PPARGC1A: variants seen among roughly 807,000 people sequenced by gnomAD.
PPARGC1A encodes peroxisome proliferator-activated receptor gamma coactivator 1-alpha.
Under a neutral mutation model 88.7 loss-of-function variants are expected in PPARGC1A, and 25 were observed. The ratio of observed to expected loss-of-function variants is 0.28; its 90% CI spans 0.21 to 0.39. The LOEUF (loss-of-function observed/expected upper bound fraction) is 0.39. Ranked by LOEUF, PPARGC1A falls within the 10% of genes least tolerant of loss-of-function variation. The pLI, the probability that PPARGC1A is intolerant of heterozygous loss-of-function variation, is 1.00. For missense variants in PPARGC1A, 880 were observed against 968.7 expected, an observed-to-expected ratio of 0.91 and a Z score of 1.22; for synonymous variants, 363 against 355.6, an observed-to-expected ratio of 1.02 and a Z score of -0.24.
chr4:24,349,914 T>C, the PPARGC1A span, among the ~76,000 whole-genome samples: 1 of 152,200 alleles, frequency 6.6e-6, no homozygotes, highest in Non-Finnish European at 1.5e-5. Flanking sequence ...ACCCTCCCGA[T>C]GGATCCCTGT....
chr4:24,240,308 T>G, the PPARGC1A span, among the ~76,000 whole-genome samples: 1 of 152,192 alleles, frequency 6.6e-6, no homozygotes, highest in Non-Finnish European at 1.5e-5. Context: ...GAATGCTTAC[T>G]TCTCTTTTAA....
the PPARGC1A span, among the ~76,000 whole-genome samples, chr4:24,124,713 A>G: frequency 2.0e-5 from 3 of 152,132 alleles, no homozygotes; most frequent in Non-Finnish European, 2.9e-5. Context: ...TACAGAGAAC[A>G]ATTTACTGCA....
the PPARGC1A span, among the ~76,000 whole-genome samples, chr4:24,145,684 G>A: frequency 8.6e-4 from 131 of 152,246 alleles, 3 homozygotes; most frequent in African/African-American, 2.8e-3. Flanking sequence ...ATAATACCAC[G>A]TTCGACTTAG....
At chr4:24,271,376 G>A in the PPARGC1A span, among the ~76,000 whole-genome samples, 2 of 49,594 alleles carry the variant, frequency 4.0e-5, no homozygotes, top group Non-Finnish European at 8.6e-5. Flanking sequence ...TTAAATCCTT[G>A]TCCTTTTACT....
the PPARGC1A span, among the ~76,000 whole-genome samples, chr4:24,435,868 C>T: frequency 6.6e-6 from 1 of 152,220 alleles, no homozygotes; most frequent in Admixed American, 6.5e-5. Context: ...GATGCCCAAG[C>T]CCTGCTTTTT....
the PPARGC1A span, among the ~76,000 whole-genome samples, chr4:24,321,832 G>C: frequency 6.6e-6 from 1 of 152,204 alleles, no homozygotes; most frequent in Non-Finnish European, 1.5e-5. Flanking sequence ...CTTAAGAACA[G>C]ACAACAACTC....
chr4:24,053,443 T>G, the PPARGC1A span, among the ~76,000 whole-genome samples: 1 of 152,040 alleles, frequency 6.6e-6, no homozygotes, highest in Admixed American at 6.5e-5. Flanking sequence ...GCACCAGCTT[T>G]GATGACCACC....
At chr4:23,986,078 CTGAT>C in the PPARGC1A span, among the ~76,000 whole-genome samples, 1 of 152,100 alleles carries the variant, frequency 6.6e-6, no homozygotes, top group South Asian at 2.1e-4. Flanking sequence ...ACCCAACTCT[CTGAT>C]TGTGCACTCC....
the PPARGC1A span, among the ~76,000 whole-genome samples, chr4:24,157,670 G>GT: frequency 3.9e-5 from 6 of 152,144 alleles, no homozygotes; most frequent in South Asian, 1.0e-3. Flanking sequence ...AGTCAGTCCT[G>GT]TTTTTTCTCT....
chr4:24,202,429 C>T, the PPARGC1A span, among the ~76,000 whole-genome samples: 1 of 152,020 alleles, frequency 6.6e-6, no homozygotes, highest in Non-Finnish European at 1.5e-5. Flanking sequence ...ATGCAAAGTT[C>T]TCAAGAGATG....
the PPARGC1A span, among the ~76,000 whole-genome samples, chr4:23,955,683 T>G: frequency 4.6e-5 from 7 of 152,210 alleles, no homozygotes; most frequent in Middle Eastern, 3.4e-3. Flanking sequence ...TGATTCATAT[T>G]GAGCACTTAT....
chr4:23,960,417 C>G, the PPARGC1A span, among the ~76,000 whole-genome samples: 5 of 152,162 alleles, frequency 3.3e-5, 1 homozygote, highest in African/African-American at 1.2e-4. Context: ...GAGGTATGAT[C>G]AAGAAACCCT....
At chr4:23,926,677 C>T in the PPARGC1A span, among the ~76,000 whole-genome samples, 1 of 152,128 alleles carries the variant, frequency 6.6e-6, no homozygotes, top group African/African-American at 2.4e-5. Flanking sequence ...AATCATTTCC[C>T]AAATCCTTTT....
At chr4:23,943,838 C>T in the PPARGC1A span, among the ~76,000 whole-genome samples, 3 of 152,004 alleles carry the variant, frequency 2.0e-5, no homozygotes, top group Admixed American at 6.6e-5. Flanking sequence ...GGCCTTGCTC[C>T]CCAAAACCTA....
At chr4:24,002,097 C>CACACACACACAGAG in the PPARGC1A span, among the ~76,000 whole-genome samples, 22 of 125,376 alleles carry the variant, frequency 1.8e-4, no homozygotes, top group African/African-American at 6.9e-4. Context: ...CACACACACA[C>CACACACACACAGAG]AGAGAGAGAG....
At chr4:24,274,334 C>T in the PPARGC1A span, among the ~76,000 whole-genome samples, 3 of 151,990 alleles carry the variant, frequency 2.0e-5, no homozygotes, top group Non-Finnish European at 4.4e-5. Flanking sequence ...CTGATATGGC[C>T]AGAACACAGA....
the PPARGC1A span, among the ~76,000 whole-genome samples, chr4:24,190,357 T>C: frequency 1.3e-5 from 2 of 151,874 alleles, no homozygotes; most frequent in African/African-American, 4.8e-5. Context: ...CTACTAAAAA[T>C]ACAAAAAATT....
At chr4:23,915,328 G>A in the PPARGC1A span, among the ~76,000 whole-genome samples, 1 of 152,116 alleles carries the variant, frequency 6.6e-6, no homozygotes, top group Non-Finnish European at 1.5e-5. Context: ...TTGTAGCTGA[G>A]TTGTGAATTG....
the PPARGC1A span, among the ~76,000 whole-genome samples, chr4:24,274,563 A>G: frequency 2.0e-5 from 3 of 152,240 alleles, no homozygotes; most frequent in East Asian, 1.9e-4. Flanking sequence ...ATTGAATTCC[A>G]TATCATTTTC....
Sources: gnomAD v4.1 joint callset for allele counts (sites outside exome capture counted in the v4.1 genomes callset) on GRCh38, gnomAD v4.1.1 for gene constraint, MANE v1.5 for transcripts, NCBI Gene and HGNC (gene_info 2026-07-23, HGNC 2026-07-21) for gene names.